SATL1: variants seen among roughly 807,000 people sequenced by gnomAD.
The protein encoded by SATL1 is spermidine/spermine N1-acetyl transferase like 1.
Under a neutral mutation model 51.8 loss-of-function variants are expected in SATL1, and 47 were observed. The observed-to-expected ratio is 0.91, with a 90% CI of 0.72 to 1.16. The LOEUF is 1.16. SATL1 is among the 50% of genes most tolerant of loss of function. SATL1 has a pLI of 0.00. For synonymous variants in SATL1, 176 were observed against 182.4 expected (o/e 0.97, Z 0.28); for missense variants, 520 against 526.4 (o/e 0.99, Z 0.12).
intron 2 of SATL1, among the ~76,000 whole-genome samples, chrX:85,148,143 CTGAAAGCCAAGGCTCGAGA>C (rs1318154684): frequency 9.0e-6 from 1 of 111,639 alleles, no homozygotes; most frequent in Non-Finnish European, 1.9e-5. Flanking sequence ...GCTGATGGAG[CTGAAAGCCAAGGCTCGAGA>C]ACTACGTGAA....
intron 2 of SATL1, among the ~76,000 whole-genome samples, chrX:85,184,298 T>C (rs1004310010): frequency 9.0e-6 from 1 of 111,608 alleles, no homozygotes; most frequent in Admixed American, 9.6e-5. Flanking sequence ...CTATGTTTCT[T>C]GGGATAGCCT....
intron 2 of SATL1, among the ~76,000 whole-genome samples, chrX:85,185,718 A>G (rs1927299539): frequency 9.0e-6 from 1 of 110,698 alleles, no homozygotes. Context: ...CTTTCCCTTT[A>G]TGGTAATGGG....
At chrX:85,204,717 CCT>C (rs1359474233) in intron 2 of SATL1, among the ~76,000 whole-genome samples, 2 of 111,551 alleles carry the variant, frequency 1.8e-5, no homozygotes, top group Admixed American at 1.9e-4. Context: ...TCACTTATCC[CCT>C]GTGAATACGC....
chrX:85,201,300 G>A (rs1260995673), intron 2 of SATL1, among the ~76,000 whole-genome samples: 1 of 110,579 alleles, frequency 9.0e-6, no homozygotes, highest in African/African-American at 3.3e-5. Context: ...ATAGTATAGG[G>A]GACTGTTAAT....
intron 2 of SATL1, among the ~76,000 whole-genome samples, chrX:85,130,871 A>G (rs897100725): frequency 8.9e-6 from 1 of 111,919 alleles, no homozygotes; most frequent in African/African-American, 3.3e-5. Context: ...GGTTTCATAG[A>G]ACATCTTTAT....
intron 2 of SATL1, among the ~76,000 whole-genome samples, chrX:85,161,958 C>A (rs1926729185): frequency 8.9e-6 from 1 of 111,758 alleles, no homozygotes; most frequent in Admixed American, 9.5e-5. Flanking sequence ...ATCGTACCAA[C>A]CACTCTCTCA....
intron 1 of SATL1, among the ~76,000 whole-genome samples, chrX:85,242,807 A>G (rs185483034): frequency 2.7e-5 from 3 of 111,950 alleles, no homozygotes; most frequent in South Asian, 3.7e-4. Flanking sequence ...CGTTTTAGTA[A>G]TAACTGAATT....
intron 2 of SATL1, among the ~76,000 whole-genome samples, chrX:85,181,785 A>G (rs1364644238): frequency 2.7e-5 from 3 of 111,746 alleles, no homozygotes; most frequent in Non-Finnish European, 5.7e-5. Flanking sequence ...TGTTTTAACT[A>G]CTTAAAGGTA....
At chrX:85,156,816 TATATATATATATATATATATATATA>T in intron 2 of SATL1, among the ~76,000 whole-genome samples, 1 of 287 alleles carries the variant, frequency 3.5e-3, no homozygotes, top group African/African-American at 9.8e-3. Flanking sequence ...GTGGAGATTA[TATATATATATATATATATATATATA>T]TATATATATA....
intron 2 of SATL1, among the ~76,000 whole-genome samples, chrX:85,200,909 T>C (rs1379387313): frequency 9.0e-6 from 1 of 110,958 alleles, no homozygotes; most frequent in Non-Finnish European, 1.9e-5. Flanking sequence ...CTATAAAAAC[T>C]TAAAACATAT....
At chrX:85,196,140 C>T (rs192063261) in intron 2 of SATL1, among the ~76,000 whole-genome samples, 102 of 110,113 alleles carry the variant, frequency 9.3e-4, no homozygotes, top group African/African-American at 3.2e-3. Context: ...TATTTCTATA[C>T]ACTAACAATG....
At chrX:85,092,684 A>G in intron 7 of SATL1, 123 bp from the exon 8 acceptor site, 3 of 657,275 alleles carry the variant, frequency 4.6e-6, no homozygotes, top group Non-Finnish European at 6.5e-6. Flanking sequence ...TTCCAAATAT[A>G]GTAGTTACCT....
At chrX:85,159,622 A>T (rs1372688096) in intron 2 of SATL1, among the ~76,000 whole-genome samples, 1 of 111,706 alleles carries the variant, frequency 9.0e-6, no homozygotes, top group African/African-American at 3.3e-5. Context: ...AAAGGTAGAA[A>T]TAACATATTT....
chrX:85,235,666 A>T (rs1928466515), intron 1 of SATL1, among the ~76,000 whole-genome samples: 1 of 111,047 alleles, frequency 9.0e-6, no homozygotes, highest in Admixed American at 9.6e-5. Flanking sequence ...ATATACCAAA[A>T]TCTGTGAGAT....
intron 2 of SATL1, among the ~76,000 whole-genome samples, chrX:85,173,763 A>C (rs1400038665): frequency 9.1e-5 from 7 of 77,204 alleles, no homozygotes; most frequent in Non-Finnish European, 3.0e-5. Flanking sequence ...AATTGCCTCC[A>C]GAAGTCTTTT....
At chrX:85,162,096 A>C (rs1926731734) in intron 2 of SATL1, among the ~76,000 whole-genome samples, 1 of 112,131 alleles carries the variant, frequency 8.9e-6, no homozygotes, top group Admixed American at 9.5e-5. Flanking sequence ...GGCAAAAATC[A>C]AAAAGTTATT....
intron 2 of SATL1, chrX:85,211,789 A>T (rs1927930081): frequency 8.9e-6 from 1 of 111,884 alleles, no homozygotes; most frequent in East Asian, 2.8e-4. Context: ...AGACAGATAG[A>T]TAGAAATAGA....
intron 2 of SATL1, among the ~76,000 whole-genome samples, chrX:85,159,935 G>C (rs1042102411): frequency 2.7e-5 from 3 of 111,614 alleles, no homozygotes; most frequent in African/African-American, 9.8e-5. Context: ...ATCCATTGGC[G>C]TTCTGGGACC....
Position 85,108,615 on chromosome X carries a change from G to A in SATL1, c.354C>T (p.Gly118=), listed in dbSNP as rs1376151421. Residue 118 remains glycine (G), a synonymous_variant, in exon 3 of 8, where the codon GGC becomes GGT. Transcript: ENST00000644105. ...TTTGCCTCATGCGTGATTGGCTGGG[G>A]CCTGATTGGCTTGGGCCTGGTTGCG... ...DPSQPGPSQS[G]PSQSRMRQIG... is the part of the protein sequence containing the mutation. 8.3e-7 allele frequency: 1 copy of A among 1,201,968 alleles called. No individual in the cohort carries two copies. Among genetic ancestry groups the A allele is most frequent in the East Asian group, 3.0e-5 (1 of 33,509 alleles).
Sources: allele counts gnomAD v4.1 joint callset (sites outside exome capture counted in the v4.1 genomes callset), GRCh38; gene constraint gnomAD v4.1.1; transcripts MANE v1.5; gene names NCBI Gene and HGNC (gene_info 2026-07-23, HGNC 2026-07-21).